HP: variants seen among roughly 807,000 people sequenced by gnomAD.
The protein encoded by HP is haptoglobin.
HP carries 9 observed loss-of-function variants against 23.2 expected under a neutral mutation model. That is an observed-to-expected ratio of 0.39 (90% CI 0.23 to 0.68). The LOEUF (loss-of-function observed/expected upper bound fraction) is 0.68. Among genes scored for constraint, HP ranks in the 30% least tolerant of loss-of-function variants. HP has a pLI of 0.47. For synonymous variants in HP, 155 were observed against 183.3 expected (o/e 0.85, Z 1.25); for missense variants, 433 against 483.6 (o/e 0.90, Z 0.98).
chr16:72,055,764 T>C, intron 1 of HP: 1 of 303,174 alleles, frequency 3.3e-6, no homozygotes, highest in Non-Finnish European at 6.6e-6. Flanking sequence ...TTATTACCAC[T>C]ATCTTTGCGG....
chr16:72,054,764 G>A (rs561430968), intron 1 of HP, 107 bp downstream of exon 1: 3 of 1,583,434 alleles, frequency 1.9e-6, no homozygotes, highest in African/African-American at 2.7e-5. Flanking sequence ...GGGCAAATGG[G>A]CTAAATTATA....
rs775776638 is a variant in HP at position 72,056,587 on chromosome 16, G to T, written c.146G>T (p.Arg49Leu). Residue 49 changes from arginine to leucine, a missense_variant, in exon 3 of 7, where the codon CGC (arginine) becomes CTC (leucine). Arg to Leu is a moderately radical substitution (Grantham distance 102, BLOSUM62 -2). Coordinates refer to ENST00000355906, the MANE Select transcript of HP (RefSeq NM_005143.5). Reference sequence around the variant, plus strand: ...CATGGCTATGTGGAGCACTCGGTTCGCTACCAGTGTAAGAACTACTACAAA... The same window carrying T: ...CATGGCTATGTGGAGCACTCGGTTCTCTACCAGTGTAAGAACTACTACAAA... ...IAHGYVEHSVRYQCKNYYKLR... is the reference protein window; with the variant it reads ...IAHGYVEHSVLYQCKNYYKLR... The T allele has an allele frequency of 1.4e-6, 2 of 1,397,228 alleles. No individual in the cohort carries two copies. The highest frequency in any genetic ancestry group is 9.8e-7 in the Non-Finnish European group (1 of 1,022,452). 86.6% of individuals were successfully genotyped at this position (1,397,228 alleles called of 1,614,324 possible).
rs943690511 is a variant in HP, at chr16:72,059,855, G to C, written c.443-257G>C. The C allele has an allele frequency of 5.2e-6, 4 of 765,744 alleles. No individual in the cohort carries two copies. In the African/African-American group the frequency reaches 7.0e-5, roughly 13 times the overall value. 47.4% of individuals were successfully genotyped at this position (765,744 alleles called of 1,614,324 possible). On this transcript the variant is annotated intron_variant, in intron 6 of 6. Transcript: ENST00000355906. ...AAATATAATACAGTTCACCAGCCAG[G>C]GCTCAAAAATCTCAGTATTTCCCAC...
intron 2 of HP, 99 bp downstream of exon 2, chr16:72,056,342 C>G (rs2041462710): frequency 1.3e-6 from 2 of 1,564,346 alleles, no homozygotes; most frequent in Admixed American, 1.8e-5. Flanking sequence ...ATCTCGACCT[C>G]TGGGCTTTCA....
In HP at chr16:72,060,758, C is replaced by T. The variant is rs377178520; in HGVS notation, c.1089C>T (p.Asp363=). Residue 363 remains aspartate, a synonymous_variant, in exon 7 of 7, where the codon GAC becomes GAT. Transcript: ENST00000355906. The part of the protein sequence containing the change: ...GDAGSAFAVH[D]LEEDTWYATG... ...CGGGCAGTGCCTTTGCCGTTCACGA[C>T]CTGGAGGAGGACACCTGGTATGCGA... 1.0e-4 allele frequency: 161 copies of T among 1,614,144 alleles called. 2 individuals carry two copies. In the South Asian group the frequency reaches 1.1e-3, roughly 11 times the overall value.
rs746679401 is a variant in HP at position 72,060,441 on chromosome 16, G to C, written c.772G>C (p.Val258Leu). The C allele has an allele frequency of 1.5e-5, 24 of 1,614,210 alleles. No individual in the cohort carries two copies. The highest frequency in any genetic ancestry group is 2.0e-5 in the Non-Finnish European group (24 of 1,180,036). Reference sequence around the variant, plus strand: ...CATCAAACTCAAACAGAAGGTGTCTGTTAATGAGAGAGTGATGCCCATCTG... The same window carrying C: ...CATCAAACTCAAACAGAAGGTGTCTCTTAATGAGAGAGTGATGCCCATCTG... ...GLIKLKQKVS[V>L]NERVMPICLP... The change falls in exon 7 of 7, where the codon GTT (valine) becomes CTT (leucine). Residue 258 changes from valine to leucine, a missense_variant. Transcript: ENST00000355906.
rs2041479839 is a variant in HP, at chr16:72,057,677, G to A, written c.265+211G>A. 3.3e-6 allele frequency: 2 copies of A among 597,016 alleles called. 1 individual carries two copies. Among genetic ancestry groups the A allele is most frequent in the Admixed American group, 7.6e-5 (2 of 26,346 alleles). 37.0% of individuals were successfully genotyped at this position (597,016 alleles called of 1,614,324 possible). On this transcript the variant is annotated intron_variant, in intron 4 of 6. Coordinates refer to ENST00000355906, the MANE Select transcript of HP (RefSeq NM_005143.5). ...GGGTCTTGTTCATTGGGGCCTGAAGGGCACTGGCTGAATCCACTGTCGGCA... is the reference window on the plus strand; with the variant it reads ...GGGTCTTGTTCATTGGGGCCTGAAGAGCACTGGCTGAATCCACTGTCGGCA...
At chr16:72,059,356 A>C in intron 6 of HP, 168 bp downstream of exon 6, 1 of 902,638 alleles carries the variant, frequency 1.1e-6, no homozygotes, top group East Asian at 2.7e-5. Flanking sequence ...TGACTCCCTA[A>C]GGGTCACCAA....
At chr16:72,055,552 T>C (rs12917999) in intron 1 of HP, 91,074 of 164,998 alleles carry the variant, frequency 0.55, 25,717 homozygotes, top group Middle Eastern at 0.64. Context: ...GTCCTGCTTT[T>C]GGACACCAGT....
intron 1 of HP, 63 bp downstream of exon 1, chr16:72,054,720 C>T: frequency 4.3e-6 from 7 of 1,611,582 alleles, no homozygotes; most frequent in Non-Finnish European, 5.1e-6. Flanking sequence ...TTTTTGCATA[C>T]ATCGGTAGAG....
At position 72,056,555 on chromosome 16, in the gene HP, G is replaced by C; in HGVS notation, c.114G>C (p.Glu38Asp). ...IADDGCPKPP[E>D]IAHGYVEHSV... is the part of the protein sequence containing the mutation. The stretch of plus-strand genomic sequence containing the variant: ...ATGACGGCTGCCCGAAGCCCCCCGA[G>C]ATTGCACATGGCTATGTGGAGCACT... The change falls in exon 3 of 7, where the codon GAG becomes GAC. Residue 38 changes from glutamate (E) to aspartate (D), a missense_variant. By Grantham distance (45) the Glu-to-Asp change is conservative. Coordinates refer to ENST00000355906, the MANE Select transcript of HP (RefSeq NM_005143.5). 1 of 1,487,512 alleles carries C rather than the reference G, an allele frequency of 6.7e-7. No homozygotes were observed. Among genetic ancestry groups the C allele is most frequent in the South Asian group, 1.2e-5 (1 of 82,018 alleles). 92.1% of individuals were successfully genotyped at this position (1,487,512 alleles called of 1,614,324 possible).
At chr16:72,059,030 G>T in intron 5 of HP, 84 bp from the exon 6 acceptor site, 1 of 1,352,998 alleles carries the variant, frequency 7.4e-7, no homozygotes, top group Non-Finnish European at 1.0e-6. Flanking sequence ...CTTCCTTTTA[G>T]TTCTTCTCTT....
chr16:72,054,992 C>T (rs2041436464), intron 1 of HP: 12 of 503,428 alleles, frequency 2.4e-5, no homozygotes, highest in Admixed American at 3.4e-5. Flanking sequence ...TAAAAATGTA[C>T]AATAAGGAAG....
rs1277810195 is a variant in HP, at chr16:72,060,283, T to C, written c.614T>C (p.Phe205Ser). The change falls in exon 7 of 7, where the codon TTC (phenylalanine) becomes TCC (serine). Residue 205 changes from phenylalanine (F) to serine (S), a missense_variant. By Grantham distance (155) the Phe-to-Ser change is radical. Coordinates refer to ENST00000355906, the MANE Select transcript of HP (RefSeq NM_005143.5). The part of the protein sequence containing the change: ...QWLLTTAKNL[F>S]LNHSENATAK... ...CTGCTGACCACGGCTAAAAATCTCT[T>C]CCTGAACCATTCAGAAAATGCAACA... 1 of 1,614,116 alleles carries C rather than the reference T, an allele frequency of 6.2e-7. No individual in the cohort carries two copies. The highest frequency in any genetic ancestry group is 2.2e-5 in the East Asian group (1 of 44,840).
Position 72,056,501 on chromosome 16 carries a change from CAA to C in HP, c.89-27_89-26del, listed in dbSNP as rs754759959. ...TTCACTGGGAACAATTTCCAAATAGCAAACTCTCTGGCTTCTCTCTCTTTGCA... is the reference window on the plus strand; with the variant it reads ...TTCACTGGGAACAATTTCCAAATAGCACTCTCTGGCTTCTCTCTCTTTGCA... On this transcript the variant is annotated intron_variant, in intron 2 of 6. Transcript: ENST00000355906. The C allele has an allele frequency of 2.2e-5, 32 of 1,472,046 alleles. 1 individual carries two copies. The highest frequency in any genetic ancestry group is 1.8e-4 in the Admixed American group (9 of 49,948). 91.2% of individuals were successfully genotyped at this position (1,472,046 alleles called of 1,614,324 possible). A position where few individuals can be genotyped will look rare whatever the true frequency, so the allele number is the denominator to read the frequency against.
In HP at chr16:72,057,649, C is replaced by T. The variant is rs2041479363; in HGVS notation, c.265+183C>T. 9 of 791,758 alleles carry T rather than the reference C, an allele frequency of 1.1e-5. 1 individual carries two copies. The highest frequency in any genetic ancestry group is 1.7e-5 in the Non-Finnish European group (9 of 516,010). 49.0% of individuals were successfully genotyped at this position (791,758 alleles called of 1,614,324 possible). A position where few individuals can be genotyped will look rare whatever the true frequency, so the allele number is the denominator to read the frequency against. On this transcript the variant is annotated intron_variant, in intron 4 of 6. Transcript: ENST00000355906. ...TAGGTGATGACTCCCTAAGGGTCAC[C>T]AAGGGTCTTGTTCATTGGGGCCTGA... is the stretch of plus-strand genomic sequence containing the variant.
intron 3 of HP, chr16:72,056,924 CTGA>C: frequency 5.2e-6 from 2 of 388,162 alleles, no homozygotes; most frequent in Admixed American, 6.0e-5. Flanking sequence ...AGAAGGAATG[CTGA>C]TGATGATGTC....
At chr16:72,055,870 A>G (rs72550714) in intron 1 of HP, 84 of 441,980 alleles carry the variant, frequency 1.9e-4, no homozygotes, top group African/African-American at 1.6e-3. Flanking sequence ...CCCTCCACCT[A>G]TGTGCCTTTC....
In HP at chr16:72,058,060, C is replaced by A. The variant is rs1273206094; in HGVS notation, c.266-194C>A. ...GAGAATGAATTATTGTAGCCCCTAG[C>A]CCTTTCAATGAATTTCAGGGAATTG... is the stretch of plus-strand genomic sequence containing the variant. On this transcript the variant is annotated intron_variant, in intron 4 of 6. Transcript: ENST00000355906. The A allele has an allele frequency of 1.1e-5, 8 of 722,016 alleles. 2 individuals are homozygous for A. The East Asian group carries it at 1.3e-4, about 11-fold the overall frequency. 44.7% of individuals were successfully genotyped at this position (722,016 alleles called of 1,614,324 possible).
Sources: allele counts gnomAD v4.1 joint callset, GRCh38; gene constraint gnomAD v4.1.1; transcripts MANE v1.5; gene names NCBI Gene and HGNC (gene_info 2026-07-23, HGNC 2026-07-21).